HIBCH: variants seen among roughly 807,000 people sequenced by gnomAD.
HIBCH encodes the protein 3-hydroxyisobutyryl-CoA hydrolase, also known as 3-hydroxyisobutyryl-CoA hydrolase, mitochondrial.
A neutral mutation model predicts 58.2 loss-of-function variants in HIBCH; 50 were observed. The observed-to-expected ratio is 0.86, with a 90% CI of 0.68 to 1.09. The LOEUF is 1.09. HIBCH is among the 50% of genes least tolerant of loss of function. HIBCH has a pLI of 0.00. For missense variants in HIBCH, 450 were observed against 449.7 expected (o/e 1.00, Z -0.01); for synonymous variants, 151 against 146.9 (o/e 1.03, Z -0.20).
intron 11 of HIBCH, among the ~76,000 whole-genome samples, chr2:190,234,774 TG>T (rs1277623746): frequency 1.3e-5 from 2 of 151,112 alleles, no homozygotes; most frequent in Admixed American, 6.6e-5. Context: ...TGCTTCAACT[TG>T]GGAGGTGGAG....
chr2:190,296,800 G>T lies in HIBCH; in HGVS notation c.219+13C>A. 2 of 1,608,672 alleles carry T rather than the reference G, an allele frequency of 1.2e-6. No individual in the cohort carries two copies. The highest frequency in any genetic ancestry group is 1.7e-6 in the Non-Finnish European group (2 of 1,175,056). ...AAAAGAATCCATATAATTGCAATAA[G>T]AAAATTACAAACCTTTAGCTGTGGA... On this transcript the variant is annotated intron_variant, in intron 3 of 13. Coordinates refer to ENST00000359678, the MANE Select transcript of HIBCH (RefSeq NM_014362.4).
At position 190,247,950 on chromosome 2, in the gene HIBCH, T is replaced by C. The variant is rs114484847; in HGVS notation, c.750+1690A>G. Among the ~76,000 whole-genome samples the C allele has an allele frequency of 6.7e-3, 1,015 of 152,356 alleles. 12 individuals are homozygous for C. Among genetic ancestry groups the C allele is most frequent in the African/African-American group, 0.022 (921 of 41,574 alleles). ...ATAGTGTAAAAGTTTTTATGAGCAC[T>C]GGAAAACCAAAACATTCATGTGACT... On this transcript the variant is annotated intron_variant, in intron 9 of 13. Transcript: ENST00000359678.
chr2:190,249,830 A>G (rs1686711939), intron 8 of HIBCH, 104 bp from the exon 9 acceptor site: 1 of 788,994 alleles, frequency 1.3e-6, no homozygotes, highest in Admixed American at 2.2e-5. Flanking sequence ...ACTTTAAATT[A>G]TGAAGCTGTC....
intron 10 of HIBCH, chr2:190,245,432 T>C (rs1686578827): frequency 6.3e-6 from 1 of 157,540 alleles, no homozygotes; most frequent in South Asian, 1.8e-4. Flanking sequence ...CTAGCTTCTC[T>C]TCTCCACTTA....
intron 11 of HIBCH, among the ~76,000 whole-genome samples, chr2:190,242,671 T>C (rs905723900): frequency 6.6e-6 from 1 of 152,052 alleles, no homozygotes; most frequent in Non-Finnish European, 1.5e-5. Flanking sequence ...GAATGGGTAG[T>C]AGGAGGAGGT....
intron 11 of HIBCH, among the ~76,000 whole-genome samples, chr2:190,244,136 T>G (rs1686535615): frequency 6.6e-6 from 1 of 150,588 alleles, no homozygotes; most frequent in African/African-American, 2.5e-5. Context: ...GCCTAATATA[T>G]ATATATATAT....
Position 190,254,427 on chromosome 2 carries a change from G to A in HIBCH, c.518-2120C>T, listed in dbSNP as rs1264963777. Among the ~76,000 whole-genome samples, 1 of 152,072 alleles carries A rather than the reference G, an allele frequency of 6.6e-6. No homozygotes were observed. Among genetic ancestry groups the A allele is most frequent in the Non-Finnish European group, 1.5e-5 (1 of 68,000 alleles). ...TCTCAGCCTTTCAATCTCCAGAACTGTGAGAAAAAAAATTTCTACTGTTTA... is the reference window on the plus strand; with the variant it reads ...TCTCAGCCTTTCAATCTCCAGAACTATGAGAAAAAAAATTTCTACTGTTTA... On this transcript the variant is annotated intron_variant, in intron 7 of 13. Transcript: ENST00000359678. The surrounding 1 kb of genome is among the most constrained non-coding windows in gnomAD (Gnocchi z 5.0).
chr2:190,251,155 A>C (rs1452249582), intron 8 of HIBCH, among the ~76,000 whole-genome samples: 2 of 152,214 alleles, frequency 1.3e-5, no homozygotes, highest in Non-Finnish European at 2.9e-5. Context: ...ATAATAGTTA[A>C]ATTTTGAGTG....
At chr2:190,255,848 A>G (rs59533033) in intron 7 of HIBCH, among the ~76,000 whole-genome samples, 1 of 150,952 alleles carries the variant, frequency 6.6e-6, no homozygotes, top group Non-Finnish European at 1.5e-5. Flanking sequence ...AGAGAGAGAG[A>G]GTGTGTGTGT....
At chr2:190,194,477 T>TAC (rs3083429) in intron 1 of HIBCH, among the ~76,000 whole-genome samples, 14,685 of 141,272 alleles carry the variant, frequency 0.1, 735 homozygotes, top group East Asian at 0.22. Flanking sequence ...ATCCTGTGTA[T>TAC]ACACACACAC....
At chr2:190,308,610 G>A (rs1322953809) in intron 2 of HIBCH, among the ~76,000 whole-genome samples, 1 of 152,102 alleles carries the variant, frequency 6.6e-6, no homozygotes, top group East Asian at 1.9e-4. Context: ...TACCGCCTTA[G>A]GACTCTACAG....
intron 1 of HIBCH, among the ~76,000 whole-genome samples, chr2:190,313,387 G>C (rs1559067715): frequency 6.6e-6 from 1 of 152,128 alleles, no homozygotes; most frequent in Non-Finnish European, 1.5e-5. Flanking sequence ...CAGCATTAAG[G>C]ACAACCCAAA....
At chr2:190,293,803 C>T (rs1688020401) in intron 4 of HIBCH, among the ~76,000 whole-genome samples, 1 of 151,686 alleles carries the variant, frequency 6.6e-6, no homozygotes, top group Admixed American at 6.6e-5. Context: ...TTTCAATATA[C>T]TGTACATATA....
Position 190,215,462 on chromosome 2 carries a change from T to A in HIBCH, c.892-2387A>T, listed in dbSNP as rs1398527800. ...ATTCAACAACAAAAAAGGAGGAGACTCCCTCTGTGTTGCTGCAGAGGCTCA... is the reference window on the plus strand; with the variant it reads ...ATTCAACAACAAAAAAGGAGGAGACACCCTCTGTGTTGCTGCAGAGGCTCA... On this transcript the variant is annotated intron_variant, in intron 11 of 13. Coordinates refer to ENST00000359678, the MANE Select transcript of HIBCH (RefSeq NM_014362.4). The surrounding 1 kb of genome is among the most constrained non-coding windows in gnomAD (Gnocchi z 4.4). 1.3e-5 allele frequency: 2 copies of A among 152,180 alleles called. No individual in the cohort carries two copies. The highest frequency in any genetic ancestry group is 3.8e-4 in the East Asian group (2 of 5,200). The allele number at this position is 152,180 out of a possible 1,614,324, so 9.4% of individuals were successfully genotyped here.
downstream of HIBCH, chr2:190,203,110 CTCAG>C (rs1392424081): frequency 1.8e-5 from 3 of 167,162 alleles, no homozygotes; most frequent in East Asian, 5.8e-4. Flanking sequence ...ATATATCCTA[CTCAG>C]TATCATTGGC....
Position 190,207,133 on chromosome 2 carries a change from C to T in HIBCH, c.1045+1747G>A, listed in dbSNP as rs1322013788. Reference sequence around the variant, plus strand: ...TGAGACTCCATCTCAAAAAACAAAACAAAACAAAAAAAAGTCGTATAATAA... The same window carrying T: ...TGAGACTCCATCTCAAAAAACAAAATAAAACAAAAAAAAGTCGTATAATAA... On this transcript the variant is annotated intron_variant, in intron 13 of 13. Transcript: ENST00000359678. This position sits in a 1 kb window ranked among gnomAD's most constrained non-coding sequence, Gnocchi z 4.5. Among the ~76,000 whole-genome samples, 1 of 151,336 alleles carries T rather than the reference C, an allele frequency of 6.6e-6. No homozygotes were observed.
At chr2:190,223,208 A>T (rs1261536222) in intron 11 of HIBCH, among the ~76,000 whole-genome samples, 2 of 152,190 alleles carry the variant, frequency 1.3e-5, no homozygotes, top group African/African-American at 4.8e-5. Flanking sequence ...ACCAGGGCAC[A>T]TGTATACCTA....
chr2:190,258,430 A>G (rs1686990108), intron 7 of HIBCH, among the ~76,000 whole-genome samples: 1 of 152,220 alleles, frequency 6.6e-6, no homozygotes, highest in Admixed American at 6.5e-5. Context: ...CTGGAAATGT[A>G]GAAGTGACTT....
At chr2:190,262,838 G>A (rs1687128824) in intron 6 of HIBCH, among the ~76,000 whole-genome samples, 1 of 152,124 alleles carries the variant, frequency 6.6e-6, no homozygotes, top group Admixed American at 6.5e-5. Flanking sequence ...AAGACATCAA[G>A]ATTTGAGCAA....
Sources: gnomAD v4.1 joint callset for allele counts (sites outside exome capture counted in the v4.1 genomes callset) on GRCh38, gnomAD v4.1.1 for gene constraint, Gnocchi (gnomAD v3.1) non-coding constraint, MANE v1.5 for transcripts, NCBI Gene and HGNC (gene_info 2026-07-23, HGNC 2026-07-21) for gene names.